The following SLC25A21 variants were observed in gnomAD, a reference collection of about 807,000 sequenced individuals.
SLC25A21 encodes the protein solute carrier family 25 member 21, also known as mitochondrial 2-oxodicarboxylate carrier.
SLC25A21 carries 47 observed loss-of-function variants against 43.8 expected under a neutral mutation model. The ratio of observed to expected loss-of-function variants is 1.07; its 90% CI spans 0.85 to 1.37. SLC25A21 has a LOEUF of 1.37. Ranked by LOEUF, SLC25A21 falls within the 40% of genes most tolerant of loss-of-function variation. SLC25A21 has a pLI of 0.00. For synonymous variants in SLC25A21, 131 were observed against 121.3 expected (o/e 1.08, Z -0.52); for missense variants, 352 against 350.2 (o/e 1.00, Z -0.04).
chr14:36,705,152 T>C (rs1883457697), intron 7 of SLC25A21, among the ~76,000 whole-genome samples: 1 of 152,012 alleles, frequency 6.6e-6, no homozygotes, highest in Admixed American at 6.6e-5. Flanking sequence ...ACCATTTTCC[T>C]GCCTTAGCCT....
At chr14:37,133,754 G>A (rs1038903970) in intron 1 of SLC25A21, among the ~76,000 whole-genome samples, 1 of 152,044 alleles carries the variant, frequency 6.6e-6, no homozygotes, top group Non-Finnish European at 1.5e-5. Context: ...TCTATGAGTG[G>A]ACAATAAGCT....
intron 1 of SLC25A21, among the ~76,000 whole-genome samples, chr14:37,008,405 C>T (rs934375855): frequency 1.3e-5 from 2 of 152,180 alleles, no homozygotes; most frequent in Non-Finnish European, 2.9e-5. Context: ...CATGACATGG[C>T]TCTGTCCCTA....
In SLC25A21 at chr14:37,169,606, C is replaced by CACACACACAG. The variant is rs1435857135; in HGVS notation, c.70+2674_70+2675insCTGTGTGTGT. ...ACACACACACACACACACACACACA[C>CACACACACAG]AGAAGTGTTGTATTCATGGACAATA... On this transcript the variant is annotated intron_variant, in intron 1 of 9. Coordinates refer to ENST00000331299, the MANE Select transcript of SLC25A21 (RefSeq NM_030631.4). Among the ~76,000 whole-genome samples the CACACACACAG allele has an allele frequency of 1.5e-3, 228 of 151,538 alleles. 2 individuals carry two copies. Among genetic ancestry groups the CACACACACAG allele is most frequent in the African/African-American group, 5.1e-3 (212 of 41,328 alleles).
chr14:36,728,671 A>G (rs377340346), intron 5 of SLC25A21, among the ~76,000 whole-genome samples: 2 of 152,206 alleles, frequency 1.3e-5, no homozygotes, highest in Non-Finnish European at 2.9e-5. Context: ...AAAATAACAG[A>G]TACTTCTTCT....
At chr14:36,682,822 G>C (rs1446779331) in intron 9 of SLC25A21, among the ~76,000 whole-genome samples, 1 of 152,186 alleles carries the variant, frequency 6.6e-6, no homozygotes, top group Non-Finnish European at 1.5e-5. Flanking sequence ...GATGGGTTGG[G>C]AATTGTGGAA....
At chr14:36,747,179 C>G (rs1413535494) in intron 3 of SLC25A21, among the ~76,000 whole-genome samples, 1 of 152,090 alleles carries the variant, frequency 6.6e-6, no homozygotes, top group African/African-American at 2.4e-5. Context: ...AGGTTATAAA[C>G]TGCTTAATGG....
chr14:37,110,511 A>T (rs911377307), intron 1 of SLC25A21, among the ~76,000 whole-genome samples: 3 of 152,164 alleles, frequency 2.0e-5, no homozygotes, highest in African/African-American at 7.2e-5. Context: ...AAGTACAGAC[A>T]CAAGTTATAA....
At chr14:36,915,147 G>A (rs1309450313) in intron 1 of SLC25A21, among the ~76,000 whole-genome samples, 1 of 152,036 alleles carries the variant, frequency 6.6e-6, no homozygotes, top group African/African-American at 2.4e-5. Context: ...GTCAAAACAG[G>A]TGATGACAGC....
At chr14:37,116,581 G>GA (rs913350150) in intron 1 of SLC25A21, among the ~76,000 whole-genome samples, 6 of 152,074 alleles carry the variant, frequency 3.9e-5, no homozygotes, top group East Asian at 1.9e-4. Flanking sequence ...ATCCAGCTGA[G>GA]AAAAAATTTC....
At chr14:36,997,167 T>C (rs979386660) in intron 1 of SLC25A21, among the ~76,000 whole-genome samples, 3 of 152,148 alleles carry the variant, frequency 2.0e-5, no homozygotes, top group African/African-American at 4.8e-5. Context: ...CCCGTCAATA[T>C]TGTGGGTACA....
chr14:36,853,969 A>G (rs1180956382), intron 2 of SLC25A21, among the ~76,000 whole-genome samples: 1 of 152,208 alleles, frequency 6.6e-6, no homozygotes, highest in Non-Finnish European at 1.5e-5. Flanking sequence ...GTATATGTTT[A>G]AGTGTTAATT....
chr14:37,090,788 A>G (rs574221514), intron 1 of SLC25A21, among the ~76,000 whole-genome samples: 12 of 152,334 alleles, frequency 7.9e-5, no homozygotes, highest in Admixed American at 2.6e-4. Context: ...ATATTAAACC[A>G]AGATAGTGTT....
At chr14:36,964,690 A>G (rs1435568543) in intron 1 of SLC25A21, among the ~76,000 whole-genome samples, 3 of 152,050 alleles carry the variant, frequency 2.0e-5, no homozygotes, top group South Asian at 2.1e-4. Flanking sequence ...AGCAGTGACT[A>G]TAAATATAAG....
intron 3 of SLC25A21, among the ~76,000 whole-genome samples, chr14:36,808,694 T>C (rs187341190): frequency 3.9e-5 from 6 of 152,280 alleles, no homozygotes; most frequent in Non-Finnish European, 8.8e-5. Context: ...ATACAAAACA[T>C]GGGCATGAGG....
intron 1 of SLC25A21, among the ~76,000 whole-genome samples, chr14:36,896,714 G>T (rs1289858091): frequency 6.6e-6 from 1 of 152,178 alleles, no homozygotes; most frequent in East Asian, 1.9e-4. Flanking sequence ...TCCTTCAAGA[G>T]CTCTTTTAGG....
intron 1 of SLC25A21, among the ~76,000 whole-genome samples, chr14:36,894,634 G>A (rs890516442): frequency 6.6e-6 from 1 of 152,066 alleles, no homozygotes; most frequent in Non-Finnish European, 1.5e-5. Context: ...CAAAGGGAAT[G>A]CTTCCAGTTT....
intron 3 of SLC25A21, among the ~76,000 whole-genome samples, chr14:36,752,178 A>C (rs1249350894): frequency 6.6e-6 from 1 of 152,220 alleles, no homozygotes; most frequent in African/African-American, 2.4e-5. Context: ...CAAAACCACA[A>C]TGAGATGCCA....
intron 1 of SLC25A21, among the ~76,000 whole-genome samples, chr14:36,954,782 T>C (rs1157565940): frequency 1.3e-5 from 2 of 152,148 alleles, no homozygotes; most frequent in African/African-American, 4.8e-5. Flanking sequence ...TGTCCTTTCC[T>C]TTCCTTCCTC....
At chr14:36,881,902 T>A (rs1890740388) in intron 1 of SLC25A21, among the ~76,000 whole-genome samples, 1 of 152,178 alleles carries the variant, frequency 6.6e-6, no homozygotes. Context: ...TGTTGAATGA[T>A]CCTTTAGCAC....
Sources: allele counts gnomAD v4.1 joint callset (sites outside exome capture counted in the v4.1 genomes callset), GRCh38; gene constraint gnomAD v4.1.1; transcripts MANE v1.5; gene names NCBI Gene and HGNC (gene_info 2026-07-23, HGNC 2026-07-21).